The following PAPPA2 variants were observed in gnomAD, a reference collection of about 807,000 sequenced individuals.
The protein encoded by PAPPA2 is pappalysin 2, also known as pappalysin-2.
Under a neutral mutation model 176.4 loss-of-function variants are expected in PAPPA2, and 86 were observed. That is an observed-to-expected ratio of 0.49 (90% CI 0.41 to 0.58). The LOEUF is 0.58. Among genes scored for constraint, PAPPA2 ranks in the 20% least tolerant of loss-of-function variants. The pLI, the probability that PAPPA2 is intolerant of heterozygous loss-of-function variation, is 0.00. For missense variants in PAPPA2, 2,073 were observed against 2,256.9 expected, an observed-to-expected ratio of 0.92 and a Z score of 1.65; for synonymous variants, 809 against 852.2, an observed-to-expected ratio of 0.95 and a Z score of 0.88.
rs1164588450 is a variant in PAPPA2, at chr1:176,592,797, C to T, written c.920-1727C>T. ...TCCACGGTCCTGATATTCAATATTGCAGCCCATGTGCTCATAGGTCAGACA... is the reference window on the plus strand; with the variant it reads ...TCCACGGTCCTGATATTCAATATTGTAGCCCATGTGCTCATAGGTCAGACA... On this transcript the variant is annotated intron_variant, in intron 2 of 22. Coordinates refer to ENST00000367662, the MANE Select transcript of PAPPA2 (RefSeq NM_020318.3). 3.9e-5 allele frequency among the ~76,000 whole-genome samples: 6 copies of T among 152,274 alleles called. No individual in the cohort carries two copies. The South Asian group carries it at 1.0e-3, about 26-fold the overall frequency.
chr1:176,610,181 T>C (rs370298918), intron 3 of PAPPA2, among the ~76,000 whole-genome samples: 6 of 152,032 alleles, frequency 3.9e-5, no homozygotes, highest in Admixed American at 3.3e-4. Context: ...CAGGAAGATT[T>C]ATTGTTCAGG....
intron 1 of PAPPA2, among the ~76,000 whole-genome samples, chr1:176,526,196 G>C (rs540133367): frequency 6.6e-6 from 1 of 152,326 alleles, no homozygotes; most frequent in South Asian, 2.1e-4. Flanking sequence ...TCCAAGAGTT[G>C]ACCATCTCCA....
chr1:176,791,424 A>G lies in PAPPA2; in HGVS notation c.4962A>G (p.Pro1654=), dbSNP rs1228012612. Residue 1654 remains proline, a synonymous_variant, in exon 19 of 23, where the codon CCA becomes CCG. Coordinates refer to ENST00000367662, the MANE Select transcript of PAPPA2 (RefSeq NM_020318.3). ...KLCENLQGEC[P]PPPSELNSVE... is the part of the protein sequence containing the mutation. The stretch of plus-strand genomic sequence containing the variant: ...GTGAGAATCTGCAAGGAGAATGCCC[A>G]CCACCCCCCTCAGAGCTGAATTCTG... The G allele has an allele frequency of 6.2e-7, 1 of 1,613,814 alleles. No homozygotes were observed. Among genetic ancestry groups the G allele is most frequent in the Non-Finnish European group, 8.5e-7 (1 of 1,179,760 alleles).
intron 1 of PAPPA2, among the ~76,000 whole-genome samples, chr1:176,477,928 C>T (rs988622533): frequency 6.6e-6 from 1 of 152,096 alleles, no homozygotes; most frequent in Non-Finnish European, 1.5e-5. Context: ...AGAGGATGAA[C>T]ACCAGAGAAG....
intron 21 of PAPPA2, among the ~76,000 whole-genome samples, chr1:176,814,193 G>A (rs753219602): frequency 2.2e-4 from 34 of 152,190 alleles, no homozygotes; most frequent in South Asian, 4.1e-4. Flanking sequence ...TAGCCTTGTA[G>A]TATAGCGTGA....
chr1:176,464,592 A>G (rs1651527344), intron 1 of PAPPA2, among the ~76,000 whole-genome samples: 1 of 152,184 alleles, frequency 6.6e-6, no homozygotes, highest in African/African-American at 2.4e-5. Context: ...TTGGGTGTTG[A>G]GGATACAAAG....
intron 3 of PAPPA2, chr1:176,616,425 C>T (rs760399222): frequency 7.8e-6 from 5 of 638,660 alleles, no homozygotes; most frequent in East Asian, 3.4e-5. Context: ...TTTCATTCCA[C>T]CTTCAACTGA....
At chr1:176,619,481 A>G (rs1307427274) in intron 3 of PAPPA2, among the ~76,000 whole-genome samples, 1 of 152,218 alleles carries the variant, frequency 6.6e-6, no homozygotes, top group Admixed American at 6.5e-5. Flanking sequence ...TCAGTGGGAA[A>G]GAATGCTGTG....
intron 12 of PAPPA2, among the ~76,000 whole-genome samples, chr1:176,720,082 G>A: frequency 6.6e-6 from 1 of 152,154 alleles, no homozygotes; most frequent in East Asian, 1.9e-4. Context: ...TATGAATCGT[G>A]TTCTTGGGAG....
intron 12 of PAPPA2, 66 bp downstream of exon 12, chr1:176,712,047 G>A: frequency 2.6e-6 from 4 of 1,531,302 alleles, no homozygotes; most frequent in South Asian, 2.4e-5. Flanking sequence ...GTGTGTGTGT[G>A]TGTGTGTGTG....
chr1:176,757,084 C>T (rs886257235), intron 14 of PAPPA2, among the ~76,000 whole-genome samples: 1 of 152,216 alleles, frequency 6.6e-6, no homozygotes, highest in African/African-American at 2.4e-5. Context: ...ATATGTGCCA[C>T]ATTTTCTTAT....
intron 3 of PAPPA2, among the ~76,000 whole-genome samples, chr1:176,599,611 T>A (rs529624585): frequency 6.6e-6 from 1 of 151,830 alleles, no homozygotes; most frequent in Non-Finnish European, 1.5e-5. Context: ...ATTCTTTGAT[T>A]ATTTTTAATA....
chr1:176,736,920 A>G (rs933750975), intron 12 of PAPPA2, among the ~76,000 whole-genome samples: 3 of 151,984 alleles, frequency 2.0e-5, no homozygotes, highest in Non-Finnish European at 2.9e-5. Context: ...TCACATTTCT[A>G]CAAGTATCAA....
intron 14 of PAPPA2, among the ~76,000 whole-genome samples, chr1:176,749,658 CA>C (rs1461336585): frequency 6.6e-6 from 1 of 152,170 alleles, no homozygotes; most frequent in Non-Finnish European, 1.5e-5. Context: ...ATATTTTTAC[CA>C]TCTCCATCAT....
At chr1:176,478,038 C>A (rs1021846904) in intron 1 of PAPPA2, among the ~76,000 whole-genome samples, 1 of 152,090 alleles carries the variant, frequency 6.6e-6, no homozygotes, top group Non-Finnish European at 1.5e-5. Context: ...TAGGCAATAC[C>A]TAATGTAACA....
intron 2 of PAPPA2, among the ~76,000 whole-genome samples, chr1:176,592,908 T>A (rs1240829229): frequency 1.3e-5 from 2 of 152,206 alleles, no homozygotes; most frequent in Non-Finnish European, 2.9e-5. Context: ...TCTCACTAGA[T>A]TTGTTTGCTT....
At chr1:176,756,575 G>T (rs949433175) in intron 14 of PAPPA2, among the ~76,000 whole-genome samples, 1 of 152,176 alleles carries the variant, frequency 6.6e-6, no homozygotes, top group Non-Finnish European at 1.5e-5. Flanking sequence ...GTATTCCAGA[G>T]ATTTTATAAT....
chr1:176,504,919 G>A (rs141639676), intron 1 of PAPPA2, among the ~76,000 whole-genome samples: 105 of 152,120 alleles, frequency 6.9e-4, no homozygotes, highest in African/African-American at 2.4e-3. Context: ...ACCCATAATG[G>A]GTGGGCAGCA....
chr1:176,659,148 T>A (rs1658195974), intron 3 of PAPPA2, among the ~76,000 whole-genome samples: 1 of 152,092 alleles, frequency 6.6e-6, no homozygotes, highest in East Asian at 1.9e-4. Context: ...ATATGACCTG[T>A]TGATTGAGGT....
Sources: gnomAD v4.1 joint callset for allele counts (sites outside exome capture counted in the v4.1 genomes callset) on GRCh38, gnomAD v4.1.1 for gene constraint, MANE v1.5 for transcripts, NCBI Gene and HGNC (gene_info 2026-07-23, HGNC 2026-07-21) for gene names.